The following PLEKHM3 variants were observed in gnomAD, a reference collection of about 807,000 sequenced individuals.
The protein encoded by PLEKHM3 is pleckstrin homology domain-containing family M member 3.
A neutral mutation model predicts 81.8 loss-of-function variants in PLEKHM3; 45 were observed. The observed-to-expected ratio is 0.55, with a 90% confidence interval of 0.43 to 0.71. The LOEUF is 0.71. PLEKHM3 is among the 30% of genes least tolerant of loss of function. PLEKHM3 has a pLI of 0.00. For synonymous variants in PLEKHM3, 352 were observed against 356.4 expected (o/e 0.99, Z 0.14); for missense variants, 788 against 924.3 (o/e 0.85, Z 1.91).
chr2:207,821,969 T>C lies in PLEKHM3; in HGVS notation c.*6350A>G, dbSNP rs922513726. 20 of 152,202 alleles carry C rather than the reference T, an allele frequency of 1.3e-4. No individual in the cohort carries two copies. Among genetic ancestry groups the C allele is most frequent in the African/African-American group, 4.6e-4 (19 of 41,432 alleles). The allele number at this position is 152,202 out of a possible 1,614,324, so 9.4% of individuals were successfully genotyped here. On this transcript the variant is annotated 3_prime_UTR_variant, in exon 8 of 8. Transcript: ENST00000427836. Reference sequence around the variant, plus strand: ...ATCTTCTAGGGTAGGCTAGTAGCTATTCACAGTAAGATTCTACTTCTTTTT... The same window carrying C: ...ATCTTCTAGGGTAGGCTAGTAGCTACTCACAGTAAGATTCTACTTCTTTTT...
At chr2:207,871,044 G>C (rs2092531337) in intron 6 of PLEKHM3, among the ~76,000 whole-genome samples, 1 of 152,274 alleles carries the variant, frequency 6.6e-6, no homozygotes, top group South Asian at 2.1e-4. Context: ...GGAATTTGAG[G>C]CTGCAGTGAA....
At chr2:207,883,836 G>A (rs75337996) in intron 6 of PLEKHM3, among the ~76,000 whole-genome samples, 2,226 of 152,114 alleles carry the variant, frequency 0.015, 56 homozygotes, top group African/African-American at 0.051. Flanking sequence ...CATATAAAAA[G>A]AATTATACAC....
chr2:207,830,246 G>A (rs879307974), intron 7 of PLEKHM3, among the ~76,000 whole-genome samples: 7 of 152,054 alleles, frequency 4.6e-5, no homozygotes, highest in Admixed American at 3.3e-4. Context: ...CTGTGTCCCC[G>A]TTAGTCATAT....
chr2:207,879,195 T>C (rs1001939729), intron 6 of PLEKHM3, among the ~76,000 whole-genome samples: 2 of 152,242 alleles, frequency 1.3e-5, no homozygotes, highest in Non-Finnish European at 2.9e-5. Flanking sequence ...AACTTGTTTA[T>C]GGTCAGAGAG....
rs183775791 is a variant in PLEKHM3 at position 207,981,021 on chromosome 2, G to A, written c.611-3435C>T. On this transcript the variant is annotated intron_variant, in intron 2 of 7. Coordinates refer to ENST00000427836, the MANE Select transcript of PLEKHM3 (RefSeq NM_001080475.3). ...TGTGTGCCTGTAATCCCAGCTACTC[G>A]GGAGGCTAAGGCAGGAGAATCACTT... is the stretch of plus-strand genomic sequence containing the variant. Among the ~76,000 whole-genome samples, 703 of 151,576 alleles carry A rather than the reference G, an allele frequency of 4.6e-3. 4 individuals carry two copies. Among genetic ancestry groups the A allele is most frequent in the African/African-American group, 0.016 (647 of 41,282 alleles).
intron 2 of PLEKHM3, among the ~76,000 whole-genome samples, chr2:207,991,100 G>A (rs1691887077): frequency 6.6e-6 from 1 of 152,178 alleles, no homozygotes; most frequent in Non-Finnish European, 1.5e-5. Flanking sequence ...GAGATTTTCT[G>A]TCTTCTGTGA....
chr2:208,024,070 G>C (rs896401476), intron 1 of PLEKHM3, among the ~76,000 whole-genome samples: 1 of 151,404 alleles, frequency 6.6e-6, no homozygotes, highest in African/African-American at 2.4e-5. Context: ...TTGAGTCCAG[G>C]AAGTCGAGAC....
chr2:207,898,037 T>C (rs2105883009), intron 6 of PLEKHM3, among the ~76,000 whole-genome samples: 1 of 152,280 alleles, frequency 6.6e-6, no homozygotes, highest in East Asian at 1.9e-4. Context: ...GTCTGCCAAT[T>C]AGTATCTCAA....
intron 6 of PLEKHM3, among the ~76,000 whole-genome samples, chr2:207,895,049 T>TA (rs1688178763): frequency 6.6e-6 from 1 of 152,234 alleles, no homozygotes; most frequent in Admixed American, 6.5e-5. Context: ...GAGCATATAC[T>TA]AAAAGGGAGC....
chr2:207,974,285 G>A (rs941339871), intron 3 of PLEKHM3, among the ~76,000 whole-genome samples: 2 of 151,988 alleles, frequency 1.3e-5, no homozygotes, highest in Admixed American at 6.6e-5. Flanking sequence ...TTCTCCAGCT[G>A]CCGGATGCGA....
intron 2 of PLEKHM3, among the ~76,000 whole-genome samples, chr2:207,979,914 T>G (rs1411037967): frequency 6.6e-6 from 1 of 152,228 alleles, no homozygotes; most frequent in Non-Finnish European, 1.5e-5. Context: ...ATTAATTTCT[T>G]GCAACCCACA....
At chr2:207,902,292 T>G (rs915892286) in intron 6 of PLEKHM3, among the ~76,000 whole-genome samples, 3 of 152,248 alleles carry the variant, frequency 2.0e-5, no homozygotes, top group Admixed American at 6.5e-5. Flanking sequence ...AAACGTTCTC[T>G]GATAATGGGT....
intron 3 of PLEKHM3, among the ~76,000 whole-genome samples, chr2:207,959,179 C>G (rs1000291075): frequency 1.3e-5 from 2 of 152,146 alleles, no homozygotes; most frequent in Non-Finnish European, 2.9e-5. Context: ...AAAGCACATG[C>G]CTCTCTCACC....
At chr2:207,849,486 A>G (rs1483847053) in intron 7 of PLEKHM3, among the ~76,000 whole-genome samples, 1 of 152,202 alleles carries the variant, frequency 6.6e-6, no homozygotes, top group Non-Finnish European at 1.5e-5. Context: ...GTGCACAAAG[A>G]AAAACTGGCA....
intron 1 of PLEKHM3, among the ~76,000 whole-genome samples, chr2:208,003,052 T>C (rs1692365876): frequency 6.6e-6 from 1 of 152,202 alleles, no homozygotes; most frequent in Non-Finnish European, 1.5e-5. Flanking sequence ...CATCTTGAAT[T>C]CCCATGTGTT....
At chr2:207,891,452 G>T (rs1688057346) in intron 6 of PLEKHM3, among the ~76,000 whole-genome samples, 2 of 152,098 alleles carry the variant, frequency 1.3e-5, no homozygotes, top group Non-Finnish European at 2.9e-5. Flanking sequence ...ATTTCTTAAG[G>T]TCACACAGCA....
intron 3 of PLEKHM3, among the ~76,000 whole-genome samples, chr2:207,974,252 T>C (rs1035116140): frequency 6.6e-6 from 1 of 152,198 alleles, no homozygotes; most frequent in Non-Finnish European, 1.5e-5. Flanking sequence ...TTTTGCTCAC[T>C]TTTCTTTTTT....
chr2:207,989,785 A>G (rs994400705), intron 2 of PLEKHM3, among the ~76,000 whole-genome samples: 1 of 152,244 alleles, frequency 6.6e-6, no homozygotes, highest in Non-Finnish European at 1.5e-5. Context: ...GGATCAAAAC[A>G]TCAGACAGTT....
chr2:207,983,010 G>T (rs1309240439), intron 2 of PLEKHM3, among the ~76,000 whole-genome samples: 1 of 151,686 alleles, frequency 6.6e-6, no homozygotes, highest in East Asian at 1.9e-4. Flanking sequence ...TCAACAGTAG[G>T]CTATTAATAA....
Sources: gnomAD v4.1 joint callset for allele counts (sites outside exome capture counted in the v4.1 genomes callset) on GRCh38, gnomAD v4.1.1 for gene constraint, MANE v1.5 for transcripts, NCBI Gene and HGNC (gene_info 2026-07-23, HGNC 2026-07-21) for gene names.